DIP2C: variants seen among roughly 807,000 people sequenced by gnomAD.
The protein encoded by DIP2C is disco-interacting protein 2 homolog C.
DIP2C carries 33 observed loss-of-function variants against 192.4 expected under a neutral mutation model. The ratio of observed to expected loss-of-function variants is 0.17; its 90% CI spans 0.13 to 0.23. The LOEUF (loss-of-function observed/expected upper bound fraction) is 0.23. DIP2C is among the 10% of genes least tolerant of loss of function. The pLI is 1.00. For missense variants in DIP2C, 1,537 were observed against 2,110.1 expected (o/e 0.73, Z 5.32); for synonymous variants, 979 against 864.1 (o/e 1.13, Z -2.33).
In DIP2C at chr10:581,100, C is replaced by CG. The variant is rs1435553443; in HGVS notation, c.86-94571dup. On this transcript the variant is annotated intron_variant, in intron 1 of 36. Coordinates refer to ENST00000280886, the MANE Select transcript of DIP2C (RefSeq NM_014974.3). The stretch of plus-strand genomic sequence containing the variant: ...CCTTCAGGGTCAGCTTTTCTAGGAG[C>CG]GATGTCTGGCAGAATGCAATCCAAC... Among the ~76,000 whole-genome samples the CG allele has an allele frequency of 6.6e-5, 10 of 152,180 alleles. No homozygotes were observed. In the East Asian group the frequency reaches 1.7e-3, roughly 26 times the overall value.
intron 1 of DIP2C, among the ~76,000 whole-genome samples, chr10:614,111 G>A (rs1429647480): frequency 6.6e-6 from 1 of 152,194 alleles, no homozygotes; most frequent in East Asian, 1.9e-4. Flanking sequence ...GATTCAAGCT[G>A]ACAACGCTGC....
chr10:371,543 C>A (rs930994410), intron 17 of DIP2C, among the ~76,000 whole-genome samples: 1 of 152,134 alleles, frequency 6.6e-6, no homozygotes, highest in Non-Finnish European at 1.5e-5. Flanking sequence ...GCTCACGTGA[C>A]GATGGAGGCA....
chr10:579,601 CAAAT>C (rs1322386350), intron 1 of DIP2C, among the ~76,000 whole-genome samples: 1 of 151,902 alleles, frequency 6.6e-6, no homozygotes, highest in Non-Finnish European at 1.5e-5. Context: ...CATACACATC[CAAAT>C]AGTGTACAAA....
Position 363,371 on chromosome 10 carries a change from C to T in DIP2C, c.2478-60G>A, listed in dbSNP as rs575850690. 6.7e-5 allele frequency: 97 copies of T among 1,443,514 alleles called. 1 individual carries two copies. In the East Asian group the frequency reaches 1.2e-3, roughly 18 times the overall value. 89.4% of individuals were successfully genotyped at this position (1,443,514 alleles called of 1,614,324 possible). On this transcript the variant is annotated intron_variant, in intron 20 of 36. Transcript: ENST00000280886. This position sits in a 1 kb window ranked among gnomAD's most constrained non-coding sequence, Gnocchi z 5.4. Reference sequence around the variant, plus strand: ...GGGGACGCTCATGCAGCCCTCCCTCCGCCATCAGGGGCTCCATAACCATCA... The same window carrying T: ...GGGGACGCTCATGCAGCCCTCCCTCTGCCATCAGGGGCTCCATAACCATCA...
intron 1 of DIP2C, among the ~76,000 whole-genome samples, chr10:492,905 G>C (rs925320538): frequency 6.6e-6 from 1 of 152,224 alleles, no homozygotes; most frequent in Non-Finnish European, 1.5e-5. Flanking sequence ...CACCGCAGTG[G>C]TCTTGAAAAT....
chr10:432,913 T>C (rs987574025), intron 4 of DIP2C, among the ~76,000 whole-genome samples: 1 of 152,250 alleles, frequency 6.6e-6, no homozygotes, highest in African/African-American at 2.4e-5. Flanking sequence ...TTTTTAAGTG[T>C]ATTGTTTAAT....
chr10:393,096 C>T (rs1260264171), intron 10 of DIP2C, among the ~76,000 whole-genome samples: 2 of 152,026 alleles, frequency 1.3e-5, no homozygotes, highest in Admixed American at 6.5e-5. Flanking sequence ...AAGGTGGCGT[C>T]GGCCTCAGTC....
rs1319497541 is a variant in DIP2C, at chr10:277,237, GA to G, written c.*87del. 203 of 1,544,196 alleles carry G rather than the reference GA, an allele frequency of 1.3e-4. 3 individuals are homozygous for G. In the East Asian group the frequency reaches 4.6e-3, roughly 35 times the overall value. Reference sequence around the variant, plus strand: ...TCACCACAAATGGCTGTATTCTGGTGAGTGTTGCCCTGTGTCTGCACGCTTC... The same window carrying G: ...TCACCACAAATGGCTGTATTCTGGTGGTGTTGCCCTGTGTCTGCACGCTTC... On this transcript the variant is annotated 3_prime_UTR_variant, in exon 37 of 37. Coordinates refer to ENST00000280886, the MANE Select transcript of DIP2C (RefSeq NM_014974.3).
chr10:422,150 G>T (rs945175526), intron 5 of DIP2C, among the ~76,000 whole-genome samples: 19 of 152,216 alleles, frequency 1.2e-4, no homozygotes, highest in African/African-American at 3.9e-4. Context: ...TCCGGTTACT[G>T]CTTTAATGGA....
intron 1 of DIP2C, among the ~76,000 whole-genome samples, chr10:678,729 TGC>T: frequency 5.6e-5 from 1 of 17,780 alleles, no homozygotes; most frequent in African/African-American, 9.6e-5. Flanking sequence ...CCCACACCCG[TGC>T]TCCCCGCGCC....
At chr10:341,999 G>A (rs1370354309) in intron 28 of DIP2C, among the ~76,000 whole-genome samples, 1 of 152,202 alleles carries the variant, frequency 6.6e-6, no homozygotes, top group Non-Finnish European at 1.5e-5. Flanking sequence ...TGTTGTGTCT[G>A]GGGAATGTGA....
chr10:527,062 G>C (rs554921947), intron 1 of DIP2C, among the ~76,000 whole-genome samples: 1 of 152,310 alleles, frequency 6.6e-6, no homozygotes, highest in South Asian at 2.1e-4. Context: ...CACACATTCA[G>C]TGAGGCTGTC....
chr10:679,096 A>G (rs371243269), intron 1 of DIP2C, among the ~76,000 whole-genome samples: 85 of 1,218 alleles, frequency 0.07, 5 homozygotes, highest in African/African-American at 0.081. Flanking sequence ...TGCTCCCCGC[A>G]CCCATCTCTG....
chr10:429,841 A>G (rs1372194706), intron 4 of DIP2C, among the ~76,000 whole-genome samples: 3 of 152,114 alleles, frequency 2.0e-5, no homozygotes, highest in African/African-American at 7.2e-5. Context: ...GCTGCTCTAA[A>G]TATCTATGTG....
In DIP2C at chr10:327,211, C is replaced by G. The variant is rs373666940; in HGVS notation, c.3754-35G>C. The G allele has an allele frequency of 5.9e-5, 95 of 1,599,222 alleles. No individual in the cohort carries two copies. In the African/African-American group the frequency reaches 1.2e-3, roughly 20 times the overall value. ...ATGACAGAGAAACCGAGTCAGCCCC[C>G]ACGTGTCGAGCTTGGAGTGAGCCAG... On this transcript the variant is annotated intron_variant, in intron 30 of 36. Coordinates refer to ENST00000280886, the MANE Select transcript of DIP2C (RefSeq NM_014974.3).
At chr10:448,519 C>A (rs528730999) in intron 3 of DIP2C, among the ~76,000 whole-genome samples, 1 of 142,202 alleles carries the variant, frequency 7.0e-6, no homozygotes, top group Non-Finnish European at 1.5e-5. Flanking sequence ...CGCTCACTCC[C>A]GTTGATACTC....
chr10:422,622 G>A (rs112909569), intron 5 of DIP2C, among the ~76,000 whole-genome samples: 5 of 152,228 alleles, frequency 3.3e-5, no homozygotes, highest in African/African-American at 1.2e-4. Flanking sequence ...CAAGGCCCCT[G>A]GAATTGCAGC....
chr10:629,131 G>A (rs1854363220), intron 1 of DIP2C, among the ~76,000 whole-genome samples: 1 of 152,226 alleles, frequency 6.6e-6, no homozygotes, highest in African/African-American at 2.4e-5. Context: ...AAAGGCTGGT[G>A]ATGTGACAGT....
intron 1 of DIP2C, among the ~76,000 whole-genome samples, chr10:513,757 G>T (rs1383940810): frequency 4.6e-5 from 7 of 152,150 alleles, no homozygotes; most frequent in South Asian, 2.1e-4. Flanking sequence ...GCTCACGATT[G>T]TAACTGGTAG....
Sources: gnomAD v4.1 joint callset for allele counts (sites outside exome capture counted in the v4.1 genomes callset) on GRCh38, gnomAD v4.1.1 for gene constraint, Gnocchi (gnomAD v3.1) non-coding constraint, MANE v1.5 for transcripts, NCBI Gene and HGNC (gene_info 2026-07-23, HGNC 2026-07-21) for gene names.